Variants in MYL11 observed in about 807,000 individuals in gnomAD.
The protein encoded by MYL11 is myosin light chain 11.
chr16:30,377,881 A>T, the MYL11 span: 1 of 1,612,778 alleles, frequency 6.2e-7, no homozygotes, highest in Non-Finnish European at 8.5e-7. Context: ...ACGCACGGCG[A>T]CGCCAAGGAC....
the MYL11 span, chr16:30,376,377 G>A: frequency 6.3e-7 from 1 of 1,578,972 alleles, no homozygotes; most frequent in Non-Finnish European, 8.7e-7. Flanking sequence ...CGCAGGCCCG[G>A]CCCCAGGAGC....
chr16:30,375,805 AC>A, the MYL11 span: 3 of 1,612,154 alleles, frequency 1.9e-6, no homozygotes, highest in Non-Finnish European at 2.5e-6. Flanking sequence ...CCTTTGTTCA[AC>A]CCTCACCCTC....
chr16:30,376,073 G>C, the MYL11 span: 6 of 1,553,954 alleles, frequency 3.9e-6, no homozygotes, highest in Non-Finnish European at 5.3e-6. Flanking sequence ...GCCAGCATCT[G>C]ATCCTCCTGG....
At chr16:30,376,666 C>T in the MYL11 span, 1 of 1,614,102 alleles carries the variant, frequency 6.2e-7, no homozygotes, top group African/African-American at 1.3e-5. Flanking sequence ...AGGTCTTGGA[C>T]CCTGAGGGAA....
chr16:30,374,753 G>C, the MYL11 span: 1 of 1,458,574 alleles, frequency 6.9e-7, no homozygotes, highest in Non-Finnish European at 9.2e-7. Flanking sequence ...GGTATGTTAA[G>C]GGCTCCCTGG....
At chr16:30,377,960 C>T in the MYL11 span, 3 of 1,501,078 alleles carry the variant, frequency 2.0e-6, no homozygotes, top group South Asian at 3.5e-5. Context: ...CACCCCGGCT[C>T]CCAATAAAAT....
the MYL11 span, chr16:30,376,262 A>G: frequency 6.2e-7 from 1 of 1,603,926 alleles, no homozygotes; most frequent in Non-Finnish European, 8.5e-7. Context: ...AAGGCTGCAG[A>G]GTCTAGGAAA....
the MYL11 span, chr16:30,376,470 G>A: frequency 6.2e-7 from 1 of 1,614,126 alleles, no homozygotes; most frequent in Non-Finnish European, 8.5e-7. Flanking sequence ...GATGAAGGAA[G>A]CCAGCGGTCC....
the MYL11 span, chr16:30,372,384 G>T: frequency 2.0e-5 from 3 of 152,432 alleles, no homozygotes; most frequent in African/African-American, 4.8e-5. Flanking sequence ...CCTGGAGGAG[G>T]GGGGACAGGG....
the MYL11 span, chr16:30,377,677 A>G: frequency 1.9e-6 from 3 of 1,540,710 alleles, no homozygotes; most frequent in Non-Finnish European, 2.6e-6. Context: ...CTGACCACGC[A>G]GTGTGACCGC....
chr16:30,371,733 A>T, the MYL11 span, among the ~76,000 whole-genome samples: 1 of 152,030 alleles, frequency 6.6e-6, no homozygotes, highest in Non-Finnish European at 1.5e-5. Context: ...TGGGGATCCA[A>T]GGCCCCAGTC....
chr16:30,376,611 C>A, the MYL11 span: 2 of 1,614,110 alleles, frequency 1.2e-6, no homozygotes, highest in South Asian at 2.2e-5. Context: ...TGCCCTCTGA[C>A]CCCCACAGGT....
chr16:30,376,034 T>C, the MYL11 span: 1 of 1,479,950 alleles, frequency 6.8e-7, no homozygotes, highest in East Asian at 2.3e-5. Context: ...CCCTCTCTGC[T>C]TGGGGTGGAA....
chr16:30,373,451 G>A, the MYL11 span, among the ~76,000 whole-genome samples: 4 of 152,124 alleles, frequency 2.6e-5, no homozygotes, highest in Admixed American at 6.6e-5. Flanking sequence ...AAAAAATTAG[G>A]CGGGCGTGGT....
At chr16:30,374,339 G>C in the MYL11 span, among the ~76,000 whole-genome samples, 17 of 151,794 alleles carry the variant, frequency 1.1e-4, no homozygotes, top group Non-Finnish European at 1.9e-4. Flanking sequence ...GGAGACAGGG[G>C]TCTCACTATG....
the MYL11 span, among the ~76,000 whole-genome samples, chr16:30,375,131 C>T: frequency 6.6e-6 from 1 of 152,190 alleles, no homozygotes; most frequent in Non-Finnish European, 1.5e-5. Context: ...CCCTCTGGCA[C>T]CAGCCAGGCA....
At chr16:30,374,709 C>G in the MYL11 span, 1 of 947,096 alleles carries the variant, frequency 1.1e-6, no homozygotes, top group Non-Finnish European at 1.5e-6. Flanking sequence ...ATTTTGGTAT[C>G]TGGGGTGGGC....
chr16:30,377,645 T>G, the MYL11 span: 1 of 1,497,658 alleles, frequency 6.7e-7, no homozygotes, highest in Admixed American at 2.2e-5. Flanking sequence ...TTGTGTCACC[T>G]CTCTCCAGCC....
At chr16:30,374,844 C>CCG in the MYL11 span, 1 of 1,613,478 alleles carries the variant, frequency 6.2e-7, no homozygotes, top group South Asian at 1.1e-5. Flanking sequence ...CCTTGCCCCC[C>CCG]GGAGACTGAA....
Sources: allele counts gnomAD v4.1 joint callset (sites outside exome capture counted in the v4.1 genomes callset), GRCh38; gene constraint gnomAD v4.1.1; transcripts MANE v1.5; gene names NCBI Gene and HGNC (gene_info 2026-07-23, HGNC 2026-07-21).